Variants in TBC1D5 observed in about 807,000 individuals in gnomAD.
TBC1D5 encodes TBC1 domain family member 5.
TBC1D5 carries 75 observed loss-of-function variants against 100.3 expected under a neutral mutation model. The ratio of observed to expected loss-of-function variants is 0.75; its 90% CI spans 0.62 to 0.91. The LOEUF (loss-of-function observed/expected upper bound fraction) is 0.91. Ranked by LOEUF, TBC1D5 falls within the 40% of genes least tolerant of loss-of-function variation. TBC1D5 has a pLI of 0.00. For missense variants in TBC1D5, 910 were observed against 942.4 expected, an observed-to-expected ratio of 0.97 and a Z score of 0.45; for synonymous variants, 323 against 325.6, an observed-to-expected ratio of 0.99 and a Z score of 0.09.
At chr3:17,313,675 T>C (rs1424144707) in intron 13 of TBC1D5, among the ~76,000 whole-genome samples, 3 of 152,200 alleles carry the variant, frequency 2.0e-5, no homozygotes, top group African/African-American at 4.8e-5. Context: ...AATACATTTA[T>C]ACACACTGTT....
chr3:17,543,160 G>T (rs561275666), intron 2 of TBC1D5, among the ~76,000 whole-genome samples: 9 of 152,172 alleles, frequency 5.9e-5, no homozygotes, highest in Admixed American at 3.9e-4. Flanking sequence ...AGAAAGAATA[G>T]AGAGAGAGAA....
intron 17 of TBC1D5, among the ~76,000 whole-genome samples, chr3:17,224,965 C>G (rs2148738127): frequency 6.6e-6 from 1 of 152,256 alleles, no homozygotes; most frequent in South Asian, 2.1e-4. Context: ...TGTTTCTCCT[C>G]AATTATAAAA....
intron 3 of TBC1D5, among the ~76,000 whole-genome samples, chr3:17,498,376 T>C (rs183435221): frequency 9.9e-5 from 15 of 152,260 alleles, no homozygotes; most frequent in Non-Finnish European, 1.2e-4. Context: ...TCAATTCTCA[T>C]AGAATGCAAA....
At chr3:17,544,888 G>T (rs2096399657) in intron 2 of TBC1D5, among the ~76,000 whole-genome samples, 1 of 152,094 alleles carries the variant, frequency 6.6e-6, no homozygotes, top group African/African-American at 2.4e-5. Flanking sequence ...AATCTGAGGT[G>T]AAAACTACAT....
At chr3:17,268,443 G>A (rs945326231) in intron 15 of TBC1D5, among the ~76,000 whole-genome samples, 1 of 151,316 alleles carries the variant, frequency 6.6e-6, no homozygotes, top group Non-Finnish European at 1.5e-5. Context: ...AAAGTATATC[G>A]GGTAATAAAG....
chr3:17,539,297 G>C (rs1428399268), intron 2 of TBC1D5, among the ~76,000 whole-genome samples: 2 of 152,164 alleles, frequency 1.3e-5, no homozygotes, highest in Admixed American at 6.6e-5. Context: ...CAGGTAGCAG[G>C]CTTCAGAAAG....
intron 4 of TBC1D5, among the ~76,000 whole-genome samples, chr3:17,412,779 T>C (rs1465349686): frequency 1.3e-5 from 2 of 152,044 alleles, no homozygotes. Context: ...ATTGAATAAC[T>C]TGTCAAGAGA....
intron 13 of TBC1D5, among the ~76,000 whole-genome samples, chr3:17,368,921 T>C (rs1404733566): frequency 6.6e-6 from 1 of 152,194 alleles, no homozygotes; most frequent in African/African-American, 2.4e-5. Context: ...AACCACTGTC[T>C]ATATTTTCAA....
intron 12 of TBC1D5, among the ~76,000 whole-genome samples, chr3:17,373,965 A>C (rs1257308929): frequency 6.6e-6 from 1 of 152,136 alleles, no homozygotes; most frequent in Non-Finnish European, 1.5e-5. Context: ...AAATATACTA[A>C]AAACCATTAA....
intron 7 of TBC1D5, 98 bp from the exon 8 acceptor site, chr3:17,403,346 T>C: frequency 1.3e-6 from 1 of 766,232 alleles, no homozygotes; most frequent in Non-Finnish European, 1.9e-6. Flanking sequence ...TTTATTCTTC[T>C]CTGAGATCAT....
intron 8 of TBC1D5, among the ~76,000 whole-genome samples, chr3:17,387,988 T>C (rs2093221185): frequency 6.6e-6 from 1 of 152,094 alleles, no homozygotes; most frequent in South Asian, 2.1e-4. Context: ...ACAGAAGGTC[T>C]TTCTTTCTAC....
chr3:17,459,090 C>T (rs2095150271), intron 3 of TBC1D5, among the ~76,000 whole-genome samples: 1 of 152,240 alleles, frequency 6.6e-6, no homozygotes, highest in South Asian at 2.1e-4. Flanking sequence ...TTTAGTTTAA[C>T]AACTTAAGTG....
Position 17,236,019 on chromosome 3 carries a change from T to C in TBC1D5, c.1588+2144A>G, listed in dbSNP as rs376232058. ...ACAGGGATCAGTTAAAATGCCCTAG[T>C]GATAATCATGTTCCAAATACTTTGC... On this transcript the variant is annotated intron_variant, in intron 17 of 21. Transcript: ENST00000253692. Among the ~76,000 whole-genome samples the C allele has an allele frequency of 9.2e-5, 14 of 152,260 alleles. No homozygotes were observed. The South Asian group carries it at 2.5e-3, about 27-fold the overall frequency.
At chr3:17,228,826 C>T (rs1384053802) in intron 17 of TBC1D5, among the ~76,000 whole-genome samples, 1 of 151,714 alleles carries the variant, frequency 6.6e-6, no homozygotes, top group Non-Finnish European at 1.5e-5. Flanking sequence ...CCTGTGTGCT[C>T]TATGTCATTG....
chr3:17,628,267 G>A (rs1329053030), intron 1 of TBC1D5, among the ~76,000 whole-genome samples: 3 of 152,028 alleles, frequency 2.0e-5, no homozygotes, highest in Non-Finnish European at 4.4e-5. Flanking sequence ...CTACTTGTGA[G>A]GCCGGGCAGG....
chr3:17,275,768 C>A (rs1049264949), intron 15 of TBC1D5, among the ~76,000 whole-genome samples: 1 of 152,138 alleles, frequency 6.6e-6, no homozygotes, highest in African/African-American at 2.4e-5. Context: ...GTGGGAAAGA[C>A]GGCCTGAGTT....
chr3:17,345,768 T>C (rs999313425), intron 13 of TBC1D5, among the ~76,000 whole-genome samples: 1 of 152,158 alleles, frequency 6.6e-6, no homozygotes, highest in African/African-American at 2.4e-5. Context: ...ATGTCCTTCG[T>C]AGGGACGGGG....
intron 2 of TBC1D5, among the ~76,000 whole-genome samples, chr3:17,604,834 C>A (rs918714289): frequency 2.0e-5 from 3 of 152,070 alleles, no homozygotes; most frequent in African/African-American, 4.8e-5. Context: ...ACCACCACAC[C>A]CAGGTAATTT....
Position 17,721,390 on chromosome 3 carries a change from G to A in TBC1D5, c.-101+17953C>T, listed in dbSNP as rs189513351. ...AACTGAATTAATATTAAAAAATTCA[G>A]GTTTACCGTAAGTTAACTGTCAACA... is the stretch of plus-strand genomic sequence containing the variant. On this transcript the variant is annotated intron_variant, in intron 1 of 21. Transcript: ENST00000253692. 2.4e-3 allele frequency among the ~76,000 whole-genome samples: 367 copies of A among 152,044 alleles called. 5 individuals are homozygous for A. Among genetic ancestry groups the A allele is most frequent in the Admixed American group, 0.022 (335 of 15,266 alleles).
Sources: gnomAD v4.1 joint callset for allele counts (sites outside exome capture counted in the v4.1 genomes callset) on GRCh38, gnomAD v4.1.1 for gene constraint, MANE v1.5 for transcripts, NCBI Gene and HGNC (gene_info 2026-07-23, HGNC 2026-07-21) for gene names.